Variants in SMIM22 observed in about 807,000 individuals in gnomAD.
The protein encoded by SMIM22 is small integral membrane protein 22.
In SMIM22, 16 loss-of-function variants were observed where a neutral mutation model predicts 8.4. The observed-to-expected ratio is 1.90, with a 90% CI of 1.29 to 2.89. SMIM22 has a LOEUF of 2.89. Among genes scored for constraint, SMIM22 ranks in the 30% most tolerant of loss-of-function variants. The pLI is 0.00. For missense variants in SMIM22, 159 were observed against 107.5 expected (o/e 1.48, Z -2.12); for synonymous variants, 67 against 47.6 (o/e 1.41, Z -1.68).
In SMIM22 at chr16:4,795,996, G is replaced by T. The variant is rs2082636914; in HGVS notation, c.173G>T (p.Cys58Phe). Reference protein sequence around the residue: ...LLLVVAHCCCCSSPGPRRESP... With the variant: ...LLLVVAHCCCFSSPGPRRESP... ...CTGGTCGTCGCCCACTGCTGCTGCT[G>T]CAGCTCCCCCGGGCCCCGCAGGGAA... is the stretch of plus-strand genomic sequence containing the variant. Residue 58 changes from cysteine to phenylalanine, a missense_variant, in exon 3 of 4, where the codon TGC becomes TTC. Cys to Phe is a radical substitution (Grantham distance 205, BLOSUM62 -2). Transcript: ENST00000586005. 1.3e-6 allele frequency: 2 copies of T among 1,509,266 alleles called. No homozygotes were observed. Among genetic ancestry groups the T allele is most frequent in the African/African-American group, 1.4e-5 (1 of 72,538 alleles). 93.5% of individuals were successfully genotyped at this position (1,509,266 alleles called of 1,614,324 possible). A position where few individuals can be genotyped will look rare whatever the true frequency, so the allele number is the denominator to read the frequency against.
chr16:4,792,034 G>A (rs1420897832), upstream of SMIM22, among the ~76,000 whole-genome samples: 3 of 151,808 alleles, frequency 2.0e-5, no homozygotes, highest in African/African-American at 7.3e-5. Flanking sequence ...TTCTTTAAGA[G>A]ATAGATACGA....
Position 4,795,700 on chromosome 16 carries a change from G to C in SMIM22, c.-20-15G>C, listed in dbSNP as rs527254912. On this transcript the variant is annotated splice_polypyrimidine_tract_variant and intron_variant, in intron 1 of 3. Coordinates refer to ENST00000586005, the MANE Select transcript of SMIM22 (RefSeq NM_001253794.2). ...AGCCCAGGATCCTGATGCAGCCTCT[G>C]GGGGACCGGGGCAGGTGGCACGGTG... is the stretch of plus-strand genomic sequence containing the variant. 1.3e-6 allele frequency: 2 copies of C among 1,532,776 alleles called. No homozygotes were observed. The highest frequency in any genetic ancestry group is 2.0e-5 in the Admixed American group (1 of 50,790). 94.9% of individuals were successfully genotyped at this position (1,532,776 alleles called of 1,614,324 possible).
chr16:4,792,807 CA>C (rs1247341963), upstream of SMIM22, among the ~76,000 whole-genome samples: 495 of 47,074 alleles, frequency 0.011, no homozygotes, highest in Middle Eastern at 0.025. Context: ...GACTCCGTCT[CA>C]AAAAAAAAAA....
chr16:4,796,009 G>C lies in SMIM22; in HGVS notation c.186G>C (p.Gly62=), dbSNP rs1255102554. ...ACTGCTGCTGCTGCAGCTCCCCCGGGCCCCGCAGGGAAAGCCCCAGGAAGG... is the reference window on the plus strand; with the variant it reads ...ACTGCTGCTGCTGCAGCTCCCCCGGCCCCCGCAGGGAAAGCCCCAGGAAGG... ...VAHCCCCSSP[G]PRRESPRKVS... The change falls in exon 3 of 4, where the codon GGG becomes GGC. Residue 62 remains glycine (G), a synonymous_variant. Transcript: ENST00000586005. 6.6e-7 allele frequency: 1 copy of C among 1,514,292 alleles called. No homozygotes were observed. Among genetic ancestry groups the C allele is most frequent in the Non-Finnish European group, 8.8e-7 (1 of 1,135,916 alleles). The allele number at this position is 1,514,292 out of a possible 1,614,324, so 93.8% of individuals were successfully genotyped here.
At position 4,795,850 on chromosome 16, in the gene SMIM22, C is replaced by A; in HGVS notation, c.116C>A (p.Thr39Asn). The stretch of plus-strand genomic sequence containing the variant: ...ACTGTTGCCTTCATTGTTTTCCTCA[C>A]CTTCATGGGTAAGTGTGGCTGTGGC... ...WDTVAFIVFL[T>N]FMGTVLLLLL... The change falls in exon 2 of 4, where the codon ACC becomes AAC. Residue 39 changes from threonine to asparagine, a missense_variant. By Grantham distance (65) the Thr-to-Asn change is moderately conservative (BLOSUM62 0). Coordinates refer to ENST00000586005, the MANE Select transcript of SMIM22 (RefSeq NM_001253794.2). The A allele has an allele frequency of 6.5e-7, 1 of 1,535,878 alleles. No homozygotes were observed. The highest frequency in any genetic ancestry group is 1.2e-5 in the South Asian group (1 of 84,060).
At position 4,796,421 on chromosome 16, in the gene SMIM22, G is replaced by A. The variant is rs1362115749; in HGVS notation, c.*190G>A. On this transcript the variant is annotated 3_prime_UTR_variant, in exon 4 of 4. Coordinates refer to ENST00000586005, the MANE Select transcript of SMIM22 (RefSeq NM_001253794.2). ...GTCATCCTCAGTCACCTAGCTGGGA[G>A]GGGAGCTGGTCTCAGGCCGGGCGCG... is the stretch of plus-strand genomic sequence containing the variant. 2.9e-6 allele frequency: 2 copies of A among 684,486 alleles called. No individual in the cohort carries two copies. The highest frequency in any genetic ancestry group is 1.8e-5 in the African/African-American group (1 of 55,366). 42.4% of individuals were successfully genotyped at this position (684,486 alleles called of 1,614,324 possible).
intron 3 of SMIM22, 21 bp downstream of exon 3, chr16:4,796,069 G>T (rs1431400280): frequency 2.0e-6 from 3 of 1,532,572 alleles, no homozygotes; most frequent in East Asian, 2.4e-5. Flanking sequence ...CCGGCCTCTG[G>T]GACCTGCACG....
Position 4,795,711 on chromosome 16 carries a change from G to T in SMIM22, c.-20-4G>T. ...CTGATGCAGCCTCTGGGGGACCGGG[G>T]CAGGTGGCACGGTGCACGCCAAGAT... On this transcript the variant is annotated splice_polypyrimidine_tract_variant and splice_region_variant and intron_variant, in intron 1 of 3. Coordinates refer to ENST00000586005, the MANE Select transcript of SMIM22 (RefSeq NM_001253794.2). 2 of 1,534,380 alleles carry T rather than the reference G, an allele frequency of 1.3e-6. No homozygotes were observed. Among genetic ancestry groups the T allele is most frequent in the Middle Eastern group, 1.9e-4 (1 of 5,324 alleles).
upstream of SMIM22, among the ~76,000 whole-genome samples, chr16:4,791,381 G>A (rs1406786716): frequency 6.6e-6 from 1 of 152,212 alleles, no homozygotes; most frequent in Admixed American, 6.5e-5. Flanking sequence ...GGCGATAATA[G>A]CACAGGGCAT....
intron 3 of SMIM22, 27 bp downstream of exon 3, chr16:4,796,075 G>T: frequency 6.5e-7 from 1 of 1,534,532 alleles, no homozygotes; most frequent in Non-Finnish European, 8.7e-7. Flanking sequence ...TCTGGGACCT[G>T]CACGGAACTG....
upstream of SMIM22, among the ~76,000 whole-genome samples, chr16:4,791,601 G>A (rs531527345): frequency 2.0e-5 from 3 of 152,284 alleles, no homozygotes; most frequent in African/African-American, 7.2e-5. Flanking sequence ...CCTGGGTCCA[G>A]AAGTCTGACT....
upstream of SMIM22, among the ~76,000 whole-genome samples, chr16:4,794,373 C>G (rs1411583728): frequency 3.3e-5 from 5 of 151,480 alleles, no homozygotes; most frequent in Admixed American, 3.3e-4. Flanking sequence ...TCCCAAAGTG[C>G]TGGGATTACA....
intron 2 of SMIM22, among the ~76,000 whole-genome samples, chr16:4,789,082 G>A (rs190045999): frequency 2.0e-5 from 3 of 152,292 alleles, no homozygotes; most frequent in South Asian, 2.1e-4. Flanking sequence ...GCAGTGGCGC[G>A]ATCTCGGCTC....
At chr16:4,794,836 G>A (rs997663272), upstream of SMIM22, 3 of 152,294 alleles carry the variant, frequency 2.0e-5, no homozygotes, top group African/African-American at 7.2e-5. Context: ...TGGGATTACA[G>A]GTGTGAGCCA....
chr16:4,796,298 T>A lies in SMIM22; in HGVS notation c.*67T>A. ...CTGCCCAGAGCCTGAGTCTGCAGTG[T>A]CTTCCAGTCCCCGTCTGGGTGGGTG... On this transcript the variant is annotated 3_prime_UTR_variant, in exon 4 of 4. Coordinates refer to ENST00000586005, the MANE Select transcript of SMIM22 (RefSeq NM_001253794.2). 2.6e-6 allele frequency: 4 copies of A among 1,516,844 alleles called. No homozygotes were observed. Among genetic ancestry groups the A allele is most frequent in the Non-Finnish European group, 3.5e-6 (4 of 1,133,834 alleles). The allele number at this position is 1,516,844 out of a possible 1,614,324, so 94.0% of individuals were successfully genotyped here.
chr16:4,791,363 G>A (rs927183904), upstream of SMIM22, among the ~76,000 whole-genome samples: 4 of 152,180 alleles, frequency 2.6e-5, no homozygotes, highest in African/African-American at 2.4e-5. Flanking sequence ...GGAATCACAC[G>A]TCAACACGGC....
intron 1 of SMIM22, chr16:4,788,651 T>C (rs985632663): frequency 6.6e-6 from 1 of 152,218 alleles, no homozygotes; most frequent in Non-Finnish European, 1.5e-5. Flanking sequence ...GTGTTTTAAG[T>C]TGCAGCGTCA....
chr16:4,795,469 C>T lies in SMIM22; in HGVS notation c.-21+20C>T, dbSNP rs1596270803. 2.1e-6 allele frequency: 1 copy of T among 478,324 alleles called. No individual in the cohort carries two copies. The highest frequency in any genetic ancestry group is 2.4e-5 in the South Asian group (1 of 42,126). The allele number at this position is 478,324 out of a possible 1,614,324, so 29.6% of individuals were successfully genotyped here. On this transcript the variant is annotated intron_variant, in intron 1 of 3. Transcript: ENST00000586005. ...TAGGAGGTAGGTGGGGGCCTGGGGGCTGGGCTGCCAGGGGGAGAGAGAGGG... is the reference window on the plus strand; with the variant it reads ...TAGGAGGTAGGTGGGGGCCTGGGGGTTGGGCTGCCAGGGGGAGAGAGAGGG...
At chr16:4,794,403 G>A (rs545942901), upstream of SMIM22, among the ~76,000 whole-genome samples, 20 of 149,864 alleles carry the variant, frequency 1.3e-4, 1 homozygote, top group Admixed American at 1.2e-3. Context: ...CACCACACCC[G>A]ACCAATTTTT....
Sources: gnomAD v4.1 joint callset for allele counts (sites outside exome capture counted in the v4.1 genomes callset) on GRCh38, gnomAD v4.1.1 for gene constraint, MANE v1.5 for transcripts, NCBI Gene and HGNC (gene_info 2026-07-23, HGNC 2026-07-21) for gene names.